WDR4: variants seen among roughly 807,000 people sequenced by gnomAD.
WDR4 encodes the protein tRNA (guanine-N(7)-)-methyltransferase non-catalytic subunit WDR4.
Under a neutral mutation model 48.6 loss-of-function variants are expected in WDR4, and 47 were observed. The observed-to-expected ratio is 0.97, with a 90% CI of 0.77 to 1.23. The LOEUF is 1.23. Ranked by LOEUF, WDR4 falls within the 50% of genes most tolerant of loss-of-function variation. The pLI, the probability that WDR4 is intolerant of heterozygous loss-of-function variation, is 0.00. For synonymous variants in WDR4, 268 were observed against 230.0 expected, an observed-to-expected ratio of 1.17 and a Z score of -1.49; for missense variants, 606 against 551.6, an observed-to-expected ratio of 1.10 and a Z score of -0.99.
chr21:42,853,646 T>C lies in WDR4; in HGVS notation c.898A>G (p.Thr300Ala). The C allele has an allele frequency of 6.2e-7, 1 of 1,604,524 alleles. No individual in the cohort carries two copies. The highest frequency in any genetic ancestry group is 1.3e-5 in the African/African-American group (1 of 74,962). The change falls in exon 9 of 11, where the codon ACC (threonine) becomes GCC (alanine). Residue 300 changes from threonine to alanine, a missense_variant. Coordinates refer to ENST00000398208, the MANE Select transcript of WDR4 (RefSeq NM_018669.6). ...TCCTGGAGCACCCACAGCCCCTGGG[T>C]CTCCTCGAAAGCCACGTCCCACACT... ...HQVWDVAFEE[T>A]QGLWVLQDCQ...
At chr21:42,855,913 GCT>G in intron 6 of WDR4, 133 bp from the exon 7 acceptor site, 4 of 576,752 alleles carry the variant, frequency 6.9e-6, no homozygotes, top group Non-Finnish European at 1.2e-5. Flanking sequence ...GGAATTAAAG[GCT>G]CTCTGCTCTG....
upstream of WDR4, among the ~76,000 whole-genome samples, chr21:42,881,887 C>T (rs964278976): frequency 6.6e-6 from 1 of 152,168 alleles, no homozygotes; most frequent in African/African-American, 2.4e-5. Context: ...TCACCAAAAC[C>T]TCTGCCTCCC....
chr21:42,850,351 C>G (rs1262702162), intron 10 of WDR4, 109 bp from the exon 11 acceptor site: 6 of 1,041,658 alleles, frequency 5.8e-6, no homozygotes, highest in Non-Finnish European at 8.1e-6. Flanking sequence ...CCAGAGTCCT[C>G]GGTGGACCGT....
chr21:42,848,700 C>T (rs369495243), downstream of WDR4, among the ~76,000 whole-genome samples: 1 of 115,136 alleles, frequency 8.7e-6, no homozygotes, highest in Admixed American at 9.0e-5. Context: ...GATCACGCGG[C>T]GCACACCTCA....
intron 3 of WDR4, among the ~76,000 whole-genome samples, chr21:42,866,282 C>T (rs868175006): frequency 2.6e-5 from 4 of 152,154 alleles, no homozygotes; most frequent in Non-Finnish European, 5.9e-5. Flanking sequence ...GGGAAAGAAT[C>T]GTTGCTGCCC....
chr21:42,886,646 G>C, the WDR4 span, among the ~76,000 whole-genome samples: 8,530 of 152,298 alleles, frequency 0.056, 347 homozygotes, highest in Non-Finnish European at 0.088. Context: ...GGGGAGGAGC[G>C]GGGAGCCCCT....
chr21:42,848,413 CCT>C (rs2057731595), downstream of WDR4, among the ~76,000 whole-genome samples: 1 of 139,050 alleles, frequency 7.2e-6, no homozygotes, highest in Non-Finnish European at 1.5e-5. Flanking sequence ...GCGGCGCGCA[CCT>C]CACTCACACA....
At chr21:42,866,188 C>T (rs1480029938) in intron 3 of WDR4, among the ~76,000 whole-genome samples, 2 of 152,128 alleles carry the variant, frequency 1.3e-5, no homozygotes, top group Non-Finnish European at 2.9e-5. Flanking sequence ...GCTTGGAAAA[C>T]CTGGCCTCAG....
upstream of WDR4, chr21:42,879,618 C>CA (rs1230961641): frequency 8.1e-7 from 1 of 1,235,660 alleles, no homozygotes; most frequent in Non-Finnish European, 1.1e-6. Flanking sequence ...CGCGCATGCT[C>CA]AAGGACGAGC....
rs370450877 is a variant in WDR4, at chr21:42,873,659, G to T, written c.188C>A (p.Ala63Glu). 6.2e-7 allele frequency: 1 copy of T among 1,613,994 alleles called. No individual in the cohort carries two copies. Among genetic ancestry groups the T allele is most frequent in the Non-Finnish European group, 8.5e-7 (1 of 1,180,008 alleles). ...EDAPLDQGSG[A>E]ILASTFSKSG... ...CTTGGAGAAGGTGGACGCCAGAATC[G>T]CACCGCTCCCCTGGTCCAAGGGCGC... Residue 63 changes from alanine (A) to glutamate (E), a missense_variant, in exon 3 of 11, where the codon GCG becomes GAG. Coordinates refer to ENST00000398208, the MANE Select transcript of WDR4 (RefSeq NM_018669.6).
chr21:42,859,687 G>C lies in WDR4; in HGVS notation c.602C>G (p.Pro201Arg). Residue 201 changes from proline (P) to arginine (R), a missense_variant, in exon 6 of 11, where the codon CCC becomes CGC. Physicochemically the swap from Pro to Arg is moderately radical, Grantham distance 103 (BLOSUM62 -2). Transcript: ENST00000398208. ...VSRISVVPTQ[P>R]GLLLSSSGDG... ...CCCAGAGGAGGACAGAAGCAGCCCGGGCTGAGTTGGCACCACGGAGATACG... is the reference window on the plus strand; with the variant it reads ...CCCAGAGGAGGACAGAAGCAGCCCGCGCTGAGTTGGCACCACGGAGATACG... 6.5e-7 allele frequency: 1 copy of C among 1,534,862 alleles called. No individual in the cohort carries two copies. Among genetic ancestry groups the C allele is most frequent in the Non-Finnish European group, 8.8e-7 (1 of 1,136,492 alleles).
rs546071374 is a variant in WDR4, at chr21:42,873,025, G to A, written c.296+526C>T. Among the ~76,000 whole-genome samples the A allele has an allele frequency of 4.6e-5, 7 of 152,302 alleles. No homozygotes were observed. The East Asian group carries it at 5.8e-4, about 13-fold the overall frequency. On this transcript the variant is annotated intron_variant, in intron 3 of 10. Transcript: ENST00000398208. ...AGGGCAAGGCATAGCGATATCTCCC[G>A]TTCTTGCCAGAGTTACTGGCCTCCC...
At chr21:42,850,454 G>T (rs988209910) in intron 10 of WDR4, among the ~76,000 whole-genome samples, 4 of 152,236 alleles carry the variant, frequency 2.6e-5, no homozygotes, top group Non-Finnish European at 5.9e-5. Flanking sequence ...ACAGAACGGG[G>T]CAAAGATGAA....
chr21:42,857,612 C>T (rs1258867962), intron 6 of WDR4, among the ~76,000 whole-genome samples: 5 of 152,176 alleles, frequency 3.3e-5, no homozygotes, highest in African/African-American at 9.7e-5. Flanking sequence ...ATAAGAGACA[C>T]GTGCACTATC....
At chr21:42,864,777 G>C (rs1433175357) in intron 3 of WDR4, among the ~76,000 whole-genome samples, 2 of 152,122 alleles carry the variant, frequency 1.3e-5, no homozygotes, top group Non-Finnish European at 2.9e-5. Flanking sequence ...ATTTCTACTG[G>C]AATCGTCCCG....
intron 10 of WDR4, among the ~76,000 whole-genome samples, 162 bp downstream of exon 10, chr21:42,852,093 C>G (rs1426300905): frequency 6.6e-6 from 1 of 152,218 alleles, no homozygotes. Context: ...TGTGCGTCAC[C>G]CACCTCCTGC....
At chr21:42,879,812 T>C, upstream of WDR4, 1 of 412,416 alleles carries the variant, frequency 2.4e-6, no homozygotes. Flanking sequence ...TTCTGGATCT[T>C]TTTCCGCGGT....
At chr21:42,873,457 C>A (rs2058417952) in intron 3 of WDR4, 94 bp downstream of exon 3, 3 of 1,540,630 alleles carry the variant, frequency 1.9e-6, no homozygotes, top group Admixed American at 1.8e-5. Flanking sequence ...CCACTTATCA[C>A]CCTTATCACC....
In WDR4 at chr21:42,857,649, C is replaced by T. The variant is rs554856795; in HGVS notation, c.628-1869G>A. On this transcript the variant is annotated intron_variant, in intron 6 of 10. Coordinates refer to ENST00000398208, the MANE Select transcript of WDR4 (RefSeq NM_018669.6). Reference sequence around the variant, plus strand: ...GAGAATGGGTGGCTGCAAAAAAGAACGTGCCGAGGGCAAGAAAGAACTAAA... The same window carrying T: ...GAGAATGGGTGGCTGCAAAAAAGAATGTGCCGAGGGCAAGAAAGAACTAAA... Among the ~76,000 whole-genome samples, 21 of 152,198 alleles carry T rather than the reference C, an allele frequency of 1.4e-4. 1 individual carries two copies. The South Asian group carries it at 4.4e-3, about 32-fold the overall frequency.
Sources: allele counts gnomAD v4.1 joint callset (sites outside exome capture counted in the v4.1 genomes callset), GRCh38; gene constraint gnomAD v4.1.1; transcripts MANE v1.5; gene names NCBI Gene and HGNC (gene_info 2026-07-23, HGNC 2026-07-21).